Variants in FHOD3 observed in about 807,000 individuals in gnomAD.
FHOD3 encodes FH1/FH2 domain-containing protein 3.
Under a neutral mutation model 173.0 loss-of-function variants are expected in FHOD3, and 90 were observed. The observed-to-expected ratio is 0.52, with a 90% confidence interval of 0.44 to 0.62. The LOEUF is 0.62. Ranked by LOEUF, FHOD3 falls within the 20% of genes least tolerant of loss-of-function variation. FHOD3 has a pLI of 0.00. For missense variants in FHOD3, 1,945 were observed against 2,034.7 expected (o/e 0.96, Z 0.85); for synonymous variants, 828 against 823.0 (o/e 1.01, Z -0.10).
At chr18:36,416,680 T>G (rs1367835769) in intron 3 of FHOD3, among the ~76,000 whole-genome samples, 1 of 152,216 alleles carries the variant, frequency 6.6e-6, no homozygotes, top group African/African-American at 2.4e-5. Context: ...GTTGGACTTT[T>G]GCATCGCTCT....
intron 2 of FHOD3, among the ~76,000 whole-genome samples, chr18:36,369,555 A>G (rs2047077324): frequency 6.6e-6 from 1 of 151,464 alleles, no homozygotes; most frequent in South Asian, 2.1e-4. Context: ...ATACAATAAG[A>G]CCAAATAAGG....
chr18:36,491,520 A>C lies in FHOD3; in HGVS notation c.338-10412A>C, dbSNP rs564050246. On this transcript the variant is annotated intron_variant, in intron 3 of 28. Transcript: ENST00000590592. ...ACTATCCACCATTACAGTATCATAC[A>C]GAATAAGAGTTTCACTGCCCGAACA... is the stretch of plus-strand genomic sequence containing the variant. 3.9e-4 allele frequency among the ~76,000 whole-genome samples: 59 copies of C among 152,340 alleles called. 1 individual carries two copies. In the South Asian group the frequency reaches 0.012, roughly 31 times the overall value.
chr18:36,701,856 A>C (rs989190624), intron 17 of FHOD3, among the ~76,000 whole-genome samples: 1 of 152,192 alleles, frequency 6.6e-6, no homozygotes, highest in Non-Finnish European at 1.5e-5. Context: ...AATTTTGACT[A>C]TACATGGTCA....
chr18:36,724,275 C>A (rs189042580), intron 19 of FHOD3, among the ~76,000 whole-genome samples: 1 of 152,300 alleles, frequency 6.6e-6, no homozygotes, highest in Admixed American at 6.5e-5. Context: ...TCTGGCTTAG[C>A]GGTTCTAGAA....
intron 10 of FHOD3, among the ~76,000 whole-genome samples, chr18:36,640,247 T>G (rs1007275161): frequency 2.6e-5 from 4 of 152,182 alleles, no homozygotes; most frequent in African/African-American, 9.7e-5. Context: ...TGGGCTCTGT[T>G]AGATGTCTTT....
intron 1 of FHOD3, among the ~76,000 whole-genome samples, chr18:36,330,998 T>C (rs2044974853): frequency 6.6e-6 from 1 of 152,074 alleles, no homozygotes; most frequent in South Asian, 2.1e-4. Context: ...CCCCAGGCGC[T>C]CTCCTGCCAT....
chr18:36,329,700 C>T (rs538407962), intron 1 of FHOD3, among the ~76,000 whole-genome samples: 114 of 152,230 alleles, frequency 7.5e-4, no homozygotes, highest in African/African-American at 2.7e-3. Flanking sequence ...ATGAGGCCAG[C>T]TGGTGTTGTA....
intron 14 of FHOD3, among the ~76,000 whole-genome samples, chr18:36,669,265 A>G (rs1294179362): frequency 1.3e-5 from 2 of 151,848 alleles, no homozygotes; most frequent in African/African-American, 4.8e-5. Flanking sequence ...GTATTAATAT[A>G]GCCTCAGCTT....
chr18:36,682,238 A>G (rs962060994), intron 15 of FHOD3, among the ~76,000 whole-genome samples: 2 of 151,966 alleles, frequency 1.3e-5, no homozygotes, highest in African/African-American at 4.8e-5. Flanking sequence ...CTTCACACCC[A>G]TCCCCTGGGC....
chr18:36,415,514 T>C (rs1219113024), intron 3 of FHOD3, among the ~76,000 whole-genome samples: 1 of 152,228 alleles, frequency 6.6e-6, no homozygotes, highest in Non-Finnish European at 1.5e-5. Flanking sequence ...ATCATTAAAA[T>C]TTAAATTACA....
intron 3 of FHOD3, among the ~76,000 whole-genome samples, chr18:36,498,942 T>C (rs927650432): frequency 6.6e-6 from 1 of 152,234 alleles, no homozygotes; most frequent in African/African-American, 2.4e-5. Context: ...TTCATTTAGA[T>C]GAATCAGAAA....
chr18:36,572,223 T>C (rs1045826320), intron 5 of FHOD3, among the ~76,000 whole-genome samples: 1 of 152,232 alleles, frequency 6.6e-6, no homozygotes, highest in Non-Finnish European at 1.5e-5. Context: ...TGTGGTGCCA[T>C]CTACCTCTGT....
intron 14 of FHOD3, among the ~76,000 whole-genome samples, chr18:36,660,749 A>T (rs1374635010): frequency 6.6e-6 from 1 of 152,098 alleles, no homozygotes; most frequent in East Asian, 1.9e-4. Context: ...GGCCCTGGGG[A>T]GGTGTGGACT....
In FHOD3 at chr18:36,779,468, G is replaced by A. The variant is rs767122022; in HGVS notation, c.4807G>A (p.Gly1603Ser). 62 of 1,614,028 alleles carry A rather than the reference G, an allele frequency of 3.8e-5. No homozygotes were observed. The highest frequency in any genetic ancestry group is 3.3e-5 in the Admixed American group (2 of 60,004). The part of the protein sequence containing the change: ...RKSLRRTLKS[G>S]LTPEEARALG... ...TGCAGTGCGAAGAACCCTGAAGAGC[G>A]GCCTGACCCCAGAAGAAGCCAGAGC... is the stretch of plus-strand genomic sequence containing the variant. Residue 1603 changes from glycine (G) to serine (S), a missense_variant, in exon 29 of 29, where the codon GGC (glycine) becomes AGC (serine). Transcript: ENST00000590592.
intron 1 of FHOD3, among the ~76,000 whole-genome samples, chr18:36,327,563 A>T (rs940060438): frequency 1.3e-5 from 2 of 152,340 alleles, no homozygotes; most frequent in Non-Finnish European, 2.9e-5. Context: ...GCATCAGAGA[A>T]GTAATTTGGG....
At chr18:36,770,792 C>T (rs1000424405) in intron 28 of FHOD3, among the ~76,000 whole-genome samples, 2 of 152,160 alleles carry the variant, frequency 1.3e-5, no homozygotes, top group Non-Finnish European at 2.9e-5. Context: ...ATCTGGGCTG[C>T]ACCCACACAC....
At chr18:36,330,829 C>A (rs568657707) in intron 1 of FHOD3, among the ~76,000 whole-genome samples, 1 of 149,346 alleles carries the variant, frequency 6.7e-6, no homozygotes, top group East Asian at 1.9e-4. Context: ...GAGCTGGAAT[C>A]TTTTTCTGAT....
At chr18:36,669,425 A>T (rs1256971874) in intron 14 of FHOD3, among the ~76,000 whole-genome samples, 1 of 151,834 alleles carries the variant, frequency 6.6e-6, no homozygotes, top group Non-Finnish European at 1.5e-5. Flanking sequence ...AAACCATTTA[A>T]TGTGATTATT....
chr18:36,472,684 G>T (rs1486258167), intron 3 of FHOD3, among the ~76,000 whole-genome samples: 2 of 152,128 alleles, frequency 1.3e-5, no homozygotes, highest in East Asian at 3.9e-4. Context: ...TTTGGGACCG[G>T]CTTCTTCCAC....
Sources: allele counts gnomAD v4.1 joint callset (sites outside exome capture counted in the v4.1 genomes callset), GRCh38; gene constraint gnomAD v4.1.1; transcripts MANE v1.5; gene names NCBI Gene and HGNC (gene_info 2026-07-23, HGNC 2026-07-21).